Variants in OSGEP observed in about 807,000 individuals in gnomAD.
OSGEP encodes O-sialoglycoprotein endopeptidase, also known as tRNA N6-adenosine threonylcarbamoyltransferase.
Under a neutral mutation model 44.1 loss-of-function variants are expected in OSGEP, and 39 were observed. The ratio of observed to expected loss-of-function variants is 0.88; its 90% confidence interval spans 0.69 to 1.16. The LOEUF is 1.16. OSGEP is among the 50% of genes most tolerant of loss of function. The pLI, the probability that OSGEP is intolerant of heterozygous loss-of-function variation, is 0.00. For missense variants in OSGEP, 403 were observed against 443.1 expected (o/e 0.91, Z 0.81); for synonymous variants, 139 against 161.9 (o/e 0.86, Z 1.07).
At position 20,448,003 on chromosome 14, in the gene OSGEP, G is replaced by A; in HGVS notation, c.703-9C>T. 1 of 1,610,264 alleles carries A rather than the reference G, an allele frequency of 6.2e-7. No homozygotes were observed. Among genetic ancestry groups the A allele is most frequent in the East Asian group, 2.2e-5 (1 of 44,878 alleles). ...ATTGCAAACACAGTTTCCTGTCAGG[G>A]ACAGATAAGGAGAAAATATTAGAGG... On this transcript the variant is annotated splice_polypyrimidine_tract_variant and intron_variant, in intron 7 of 10. Coordinates refer to ENST00000206542, the MANE Select transcript of OSGEP (RefSeq NM_017807.4).
At chr14:20,454,018 C>CA (rs1034498854) in intron 1 of OSGEP, among the ~76,000 whole-genome samples, 1 of 150,218 alleles carries the variant, frequency 6.7e-6, no homozygotes, top group Non-Finnish European at 1.5e-5. Flanking sequence ...GACTCTGTCT[C>CA]AAAAAAATAA....
At chr14:20,450,248 G>C (rs1881061278) in intron 3 of OSGEP, 1 of 152,088 alleles carries the variant, frequency 6.6e-6, no homozygotes, top group South Asian at 2.1e-4. Context: ...TTTTAGCACA[G>C]AGAATATCTG....
In OSGEP at chr14:20,452,263, T is replaced by G. The variant is rs910300201; in HGVS notation, c.235+66A>C. The stretch of plus-strand genomic sequence containing the variant: ...AGTGATGGTGGCAGAGGTAAGGTGT[T>G]GGCTATTTTGACCTAGCCAGGTTGC... On this transcript the variant is annotated intron_variant, in intron 2 of 10. Transcript: ENST00000206542. 5 of 1,602,084 alleles carry G rather than the reference T, an allele frequency of 3.1e-6. No homozygotes were observed. The Admixed American group carries it at 5.0e-5, about 16-fold the overall frequency.
In OSGEP at chr14:20,448,795, C is replaced by G. The variant is rs920415662; in HGVS notation, c.574G>C (p.Glu192Gln). Residue 192 changes from glutamate (E) to glutamine (Q), a missense_variant, in exon 6 of 11, where the codon GAG (glutamate) becomes CAG (glutamine). Glu to Gln is a conservative substitution (Grantham distance 29). Transcript: ENST00000206542. The stretch of plus-strand genomic sequence containing the variant: ...ATCCCCTTTACAGTGTATGGCAGCT[C>G]AACTAGCTTCTTGCCTCTATGTGGG... ...QMAKRGKKLV[E>Q]LPYTVKGMDV... 1.2e-6 allele frequency: 2 copies of G among 1,613,132 alleles called. No individual in the cohort carries two copies. Among genetic ancestry groups the G allele is most frequent in the East Asian group, 2.2e-5 (1 of 44,884 alleles).
At position 20,450,318 on chromosome 14, in the gene OSGEP, GAAGT is replaced by G. The variant is rs1594407925; in HGVS notation, c.412-1056_412-1053del. The G allele has an allele frequency of 3.9e-5, 6 of 152,292 alleles. No individual in the cohort carries two copies. In the East Asian group the frequency reaches 5.8e-4, roughly 15 times the overall value. 9.4% of individuals were successfully genotyped at this position (152,292 alleles called of 1,614,324 possible). On this transcript the variant is annotated intron_variant, in intron 3 of 10. Coordinates refer to ENST00000206542, the MANE Select transcript of OSGEP (RefSeq NM_017807.4). ...ACCGAGGGCTTCCTACGAACCTTAA[GAAGT>G]CCCTTTCCCTTCCCAGTGCTGTTAG... is the stretch of plus-strand genomic sequence containing the variant.
At chr14:20,449,814 T>TG in intron 3 of OSGEP, 1 of 158,788 alleles carries the variant, frequency 6.3e-6, no homozygotes, top group Non-Finnish European at 1.4e-5. Flanking sequence ...TTTGTAGAGA[T>TG]GGGGGTCTCA....
rs1174870364 is a variant in OSGEP, at chr14:20,452,131, G to A, written c.254C>T (p.Pro85Leu). The A allele has an allele frequency of 6.2e-7, 1 of 1,611,456 alleles. No homozygotes were observed. The highest frequency in any genetic ancestry group is 1.1e-5 in the South Asian group (1 of 90,626). The part of the protein sequence containing the change: ...AYTKGPGMGA[P>L]LVSVAVVART... Reference sequence around the variant, plus strand: ...GGCCACAACAGCCACAGAAACCAGTGGGGCACCCATGCCAGGGCCTAGGGA... The same window carrying A: ...GGCCACAACAGCCACAGAAACCAGTAGGGCACCCATGCCAGGGCCTAGGGA... Residue 85 changes from proline (P) to leucine (L), a missense_variant, in exon 3 of 11, where the codon CCA becomes CTA. Coordinates refer to ENST00000206542, the MANE Select transcript of OSGEP (RefSeq NM_017807.4).
chr14:20,446,799 C>T lies in OSGEP; in HGVS notation c.*441G>A, dbSNP rs1880955198. The T allele has an allele frequency of 6.0e-6, 1 of 167,242 alleles. No individual in the cohort carries two copies. Among genetic ancestry groups the T allele is most frequent in the Non-Finnish European group, 1.3e-5 (1 of 77,498 alleles). The allele number at this position is 167,242 out of a possible 1,614,324, so 10.4% of individuals were successfully genotyped here. A position where few individuals can be genotyped will look rare whatever the true frequency, so the allele number is the denominator to read the frequency against. On this transcript the variant is annotated 3_prime_UTR_variant, in exon 11 of 11. Transcript: ENST00000206542. ...GAGAGAATGAATGTAAAGCAGTTAG[C>T]ACGGGACCCGATGCTATAATAATAG...
intron 2 of OSGEP, 88 bp from the exon 3 acceptor site, chr14:20,452,237 T>C (rs1184915935): frequency 6.3e-7 from 1 of 1,585,414 alleles, no homozygotes; most frequent in African/African-American, 1.3e-5. Flanking sequence ...GGGGTAGGGG[T>C]AGTGATGGTG....
Position 20,451,989 on chromosome 14 carries a change from A to G in OSGEP, c.396T>C (p.Ser132=). 3.7e-6 allele frequency: 6 copies of G among 1,604,472 alleles called. No individual in the cohort carries two copies. The highest frequency in any genetic ancestry group is 5.1e-6 in the Non-Finnish European group (6 of 1,175,288). The stretch of plus-strand genomic sequence containing the variant: ...CTCTAAATACCTGCGTATTTCCTCC[A>G]CTCACATACAACACGGTTGGGCTGG... ...GATSPTVLYV[S]GGNTQVIAYS... Residue 132 remains serine, a synonymous_variant, in exon 3 of 11, where the codon AGT becomes AGC. Transcript: ENST00000206542.
chr14:20,448,287 CA>C (rs1881012393), intron 6 of OSGEP, 116 bp from the exon 7 acceptor site: 1 of 830,168 alleles, frequency 1.2e-6, no homozygotes, highest in African/African-American at 1.7e-5. Flanking sequence ...AAGTTACCAG[CA>C]CATCCTGTAC....
intron 1 of OSGEP, 147 bp downstream of exon 1, chr14:20,454,422 A>G (rs1298306512): frequency 1.4e-6 from 1 of 736,912 alleles, no homozygotes; most frequent in Non-Finnish European, 2.5e-6. Context: ...TAACTCTTCT[A>G]GTCATCAGCC....
At chr14:20,449,400 A>G (rs1881038619) in intron 3 of OSGEP, 134 bp from the exon 4 acceptor site, 1 of 657,766 alleles carries the variant, frequency 1.5e-6, no homozygotes, top group African/African-American at 1.8e-5. Flanking sequence ...GTGTTTCCCA[A>G]ATGGTGAATG....
intron 8 of OSGEP, 44 bp downstream of exon 8, chr14:20,447,860 A>G (rs368272290): frequency 7.2e-7 from 1 of 1,388,770 alleles, no homozygotes. Context: ...GAAGACGCAT[A>G]GTGTTAAGAA....
intron 1 of OSGEP, among the ~76,000 whole-genome samples, chr14:20,453,738 C>T (rs1881173119): frequency 6.6e-6 from 1 of 152,162 alleles, no homozygotes; most frequent in Non-Finnish European, 1.5e-5. Flanking sequence ...AAAACAAAGA[C>T]CAGGCCCGAG....
chr14:20,452,540 T>A, intron 1 of OSGEP, 92 bp from the exon 2 acceptor site: 1 of 1,231,212 alleles, frequency 8.1e-7, no homozygotes, highest in Non-Finnish European at 1.2e-6. Flanking sequence ...TTTAGTGATG[T>A]AGTAAGAGTC....
chr14:20,452,614 T>C (rs979084184), intron 1 of OSGEP, among the ~76,000 whole-genome samples, 166 bp from the exon 2 acceptor site: 1 of 152,202 alleles, frequency 6.6e-6, no homozygotes, highest in Non-Finnish European at 1.5e-5. Flanking sequence ...GGCTTCTATA[T>C]AGGCTATTCA....
At chr14:20,447,813 C>T in intron 8 of OSGEP, 91 bp downstream of exon 8, 3 of 1,228,018 alleles carry the variant, frequency 2.4e-6, no homozygotes, top group Non-Finnish European at 2.4e-6. Context: ...GATTGGGAAG[C>T]CTACTCCAAA....
At chr14:20,449,098 T>G in intron 4 of OSGEP, 73 bp downstream of exon 4, 1 of 1,488,994 alleles carries the variant, frequency 6.7e-7, no homozygotes, top group East Asian at 2.3e-5. Flanking sequence ...CATTTACTAT[T>G]TCCTCCCTCC....
Sources: gnomAD v4.1 joint callset for allele counts (sites outside exome capture counted in the v4.1 genomes callset) on GRCh38, gnomAD v4.1.1 for gene constraint, MANE v1.5 for transcripts, NCBI Gene and HGNC (gene_info 2026-07-23, HGNC 2026-07-21) for gene names.